KCND3: variants seen among roughly 807,000 people sequenced by gnomAD.
KCND3 encodes potassium voltage-gated channel subfamily D member 3.
A neutral mutation model predicts 51.1 loss-of-function variants in KCND3; 9 were observed. The ratio of observed to expected loss-of-function variants is 0.18; its 90% CI spans 0.11 to 0.31. The LOEUF (loss-of-function observed/expected upper bound fraction) is 0.31, where lower values mean the gene tolerates loss of function less well. Among genes scored for constraint, KCND3 ranks in the 10% least tolerant of loss-of-function variants. KCND3 has a pLI of 1.00. For missense variants in KCND3, 526 were observed against 903.8 expected, an observed-to-expected ratio of 0.58 and a Z score of 5.36; for synonymous variants, 349 against 368.0, an observed-to-expected ratio of 0.95 and a Z score of 0.59.
chr1:111,885,923 G>A (rs941753526), intron 2 of KCND3, among the ~76,000 whole-genome samples: 7 of 151,954 alleles, frequency 4.6e-5, no homozygotes, highest in African/African-American at 1.5e-4. Context: ...CACCTGCCTC[G>A]GCCTCCTAAA....
intron 3 of KCND3, among the ~76,000 whole-genome samples, chr1:111,786,052 G>A (rs1421929573): frequency 6.6e-6 from 1 of 152,226 alleles, no homozygotes. Flanking sequence ...GCTGCTGAAG[G>A]GGCACCACAG....
chr1:111,827,345 G>A (rs1445265922), intron 2 of KCND3, among the ~76,000 whole-genome samples: 1 of 152,244 alleles, frequency 6.6e-6, no homozygotes, highest in Non-Finnish European at 1.5e-5. Flanking sequence ...GCCCAAGTAA[G>A]CACACCCATG....
At chr1:111,834,724 T>C (rs924098841) in intron 2 of KCND3, among the ~76,000 whole-genome samples, 4 of 152,236 alleles carry the variant, frequency 2.6e-5, no homozygotes, top group African/African-American at 9.6e-5. Context: ...CTCCCATACC[T>C]GGGTCCTCAT....
chr1:111,902,481 C>CT (rs1557708528), intron 2 of KCND3, among the ~76,000 whole-genome samples: 2 of 152,190 alleles, frequency 1.3e-5, no homozygotes, highest in African/African-American at 4.8e-5. Flanking sequence ...GACACAGTGT[C>CT]TAACACCACA....
intron 1 of KCND3, among the ~76,000 whole-genome samples, chr1:111,986,108 A>T (rs1675267620): frequency 6.6e-6 from 1 of 152,222 alleles, no homozygotes; most frequent in African/African-American, 2.4e-5. Context: ...GCACTTAGCT[A>T]GGATTTATTT....
chr1:111,800,160 A>G (rs1349002290), intron 2 of KCND3, among the ~76,000 whole-genome samples: 1 of 141,114 alleles, frequency 7.1e-6, no homozygotes, highest in African/African-American at 2.7e-5. Context: ...TGTAGAAAGA[A>G]GTAGACATGG....
chr1:111,850,533 T>C (rs1218727149), intron 2 of KCND3, among the ~76,000 whole-genome samples: 3 of 152,102 alleles, frequency 2.0e-5, no homozygotes, highest in African/African-American at 4.8e-5. Flanking sequence ...TCACAATCAC[T>C]CTGGGAGCCT....
At chr1:111,787,139 G>C (rs1664636657) in intron 2 of KCND3, 33 bp from the exon 3 acceptor site, 1 of 1,610,256 alleles carries the variant, frequency 6.2e-7, no homozygotes, top group African/African-American at 1.3e-5. Context: ...GTGTAAGGGA[G>C]AGAGGGCCAT....
intron 2 of KCND3, among the ~76,000 whole-genome samples, chr1:111,888,193 C>T (rs575301939): frequency 6.6e-6 from 1 of 152,184 alleles, no homozygotes; most frequent in African/African-American, 2.4e-5. Flanking sequence ...GCAGGGGCAG[C>T]AGAGCATTGC....
At chr1:111,832,379 C>T (rs1197772636) in intron 2 of KCND3, among the ~76,000 whole-genome samples, 1 of 152,160 alleles carries the variant, frequency 6.6e-6, no homozygotes, top group Non-Finnish European at 1.5e-5. Context: ...TTTCTGGAGA[C>T]TTTCTAAGTT....
chr1:111,812,639 A>G (rs999457648), intron 2 of KCND3, among the ~76,000 whole-genome samples: 1 of 152,166 alleles, frequency 6.6e-6, no homozygotes, highest in Non-Finnish European at 1.5e-5. Context: ...TCCCCATTTT[A>G]CAGATGATGA....
intron 2 of KCND3, among the ~76,000 whole-genome samples, chr1:111,910,511 A>T (rs1391205044): frequency 6.6e-6 from 1 of 152,190 alleles, no homozygotes; most frequent in Non-Finnish European, 1.5e-5. Context: ...GGGGAGCAGG[A>T]ATCCAATTAC....
chr1:111,883,110 C>A (rs1023344732), intron 2 of KCND3, among the ~76,000 whole-genome samples: 3 of 152,236 alleles, frequency 2.0e-5, no homozygotes, highest in African/African-American at 7.2e-5. Context: ...CTTGGCCTGG[C>A]AGACAAGGCC....
chr1:111,933,521 G>A (rs1040774936), intron 2 of KCND3, among the ~76,000 whole-genome samples: 7 of 152,102 alleles, frequency 4.6e-5, no homozygotes, highest in African/African-American at 1.7e-4. Context: ...GAGCATTCAC[G>A]AAATTATTGC....
At chr1:111,847,772 A>G (rs537746448) in intron 2 of KCND3, among the ~76,000 whole-genome samples, 7 of 152,148 alleles carry the variant, frequency 4.6e-5, no homozygotes, top group Non-Finnish European at 8.8e-5. Context: ...GATGGCGGGA[A>G]CAGAATGCTC....
At chr1:111,961,734 G>C (rs772222520) in intron 2 of KCND3, among the ~76,000 whole-genome samples, 3 of 152,206 alleles carry the variant, frequency 2.0e-5, no homozygotes, top group Non-Finnish European at 4.4e-5. Context: ...TGGCATGAAG[G>C]GAAGAGCATC....
chr1:111,859,003 C>G (rs1668216916), intron 2 of KCND3, among the ~76,000 whole-genome samples: 1 of 152,230 alleles, frequency 6.6e-6, no homozygotes, highest in Non-Finnish European at 1.5e-5. Flanking sequence ...AGCACAATAG[C>G]TCTCTCACTG....
chr1:111,906,341 C>T (rs1180520022), intron 2 of KCND3, among the ~76,000 whole-genome samples: 1 of 152,202 alleles, frequency 6.6e-6, no homozygotes, highest in Non-Finnish European at 1.5e-5. Flanking sequence ...AGCACAGCGT[C>T]TTACCTGGCA....
At chr1:111,932,378 G>C (rs958127070) in intron 2 of KCND3, among the ~76,000 whole-genome samples, 5 of 152,134 alleles carry the variant, frequency 3.3e-5, no homozygotes, top group African/African-American at 9.7e-5. Flanking sequence ...GGGTCTCTTG[G>C]GTTTTGTTGG....
Sources: allele counts gnomAD v4.1 joint callset (sites outside exome capture counted in the v4.1 genomes callset), GRCh38; gene constraint gnomAD v4.1.1; transcripts MANE v1.5; gene names NCBI Gene and HGNC (gene_info 2026-07-23, HGNC 2026-07-21).